Variants in ADAM18 observed in about 807,000 individuals in gnomAD.
ADAM18 encodes disintegrin and metalloproteinase domain-containing protein 18.
ADAM18 carries 117 observed loss-of-function variants against 94.4 expected under a neutral mutation model. That is an observed-to-expected ratio of 1.24 (90% CI 1.07 to 1.45). The LOEUF is 1.45. Among genes scored for constraint, ADAM18 ranks in the 40% most tolerant of loss-of-function variants. ADAM18 has a pLI of 0.00. For missense variants in ADAM18, 936 were observed against 880.0 expected (o/e 1.06, Z -0.81); for synonymous variants, 327 against 291.6 (o/e 1.12, Z -1.24).
intron 6 of ADAM18, among the ~76,000 whole-genome samples, chr8:39,628,207 C>CA (rs1819827183): frequency 1.3e-5 from 2 of 151,394 alleles, no homozygotes; most frequent in African/African-American, 4.8e-5. Flanking sequence ...AGTATGATCA[C>CA]AAAAAACACA....
At chr8:39,685,922 G>A (rs370626542) in intron 16 of ADAM18, among the ~76,000 whole-genome samples, 12 of 152,046 alleles carry the variant, frequency 7.9e-5, no homozygotes, top group South Asian at 2.1e-4. Context: ...AACAAAGATC[G>A]TCTTTCCCTC....
chr8:39,587,319 C>T (rs1421668044), intron 2 of ADAM18, among the ~76,000 whole-genome samples: 1 of 152,212 alleles, frequency 6.6e-6, no homozygotes, highest in African/African-American at 2.4e-5. Flanking sequence ...TACAGCATAT[C>T]TCTAGAACTT....
intron 14 of ADAM18, among the ~76,000 whole-genome samples, chr8:39,671,414 A>G (rs1420426378): frequency 1.3e-5 from 2 of 152,236 alleles, no homozygotes; most frequent in African/African-American, 4.8e-5. Flanking sequence ...ATGCATTTGA[A>G]AGCAAAGCGT....
chr8:39,595,838 C>G (rs779015948), intron 2 of ADAM18, among the ~76,000 whole-genome samples: 1 of 152,110 alleles, frequency 6.6e-6, no homozygotes, highest in Non-Finnish European at 1.5e-5. Context: ...CTAGTTATTG[C>G]TCAAGTCCTT....
At chr8:39,602,318 A>C (rs961281548) in intron 2 of ADAM18, among the ~76,000 whole-genome samples, 1 of 152,170 alleles carries the variant, frequency 6.6e-6, no homozygotes, top group Non-Finnish European at 1.5e-5. Flanking sequence ...CAAGGATTCC[A>C]ATTACTCTAC....
intron 2 of ADAM18, among the ~76,000 whole-genome samples, chr8:39,599,545 A>G (rs1818841670): frequency 6.6e-6 from 1 of 152,114 alleles, no homozygotes; most frequent in South Asian, 2.1e-4. Flanking sequence ...ATGTATCTCA[A>G]TGGGTTTATA....
chr8:39,717,515 T>A (rs1822615261), intron 18 of ADAM18, among the ~76,000 whole-genome samples: 1 of 151,822 alleles, frequency 6.6e-6, no homozygotes, highest in East Asian at 1.9e-4. Flanking sequence ...AAGGTAAATC[T>A]ATTGGTGATG....
At chr8:39,710,133 C>T (rs2129581424) in intron 18 of ADAM18, among the ~76,000 whole-genome samples, 1 of 152,262 alleles carries the variant, frequency 6.6e-6, no homozygotes, top group East Asian at 1.9e-4. Flanking sequence ...CTGGAGATAA[C>T]TTCTGTAAGC....
chr8:39,616,340 G>A (rs1003167556), intron 6 of ADAM18, among the ~76,000 whole-genome samples: 1 of 152,136 alleles, frequency 6.6e-6, no homozygotes, highest in Non-Finnish European at 1.5e-5. Flanking sequence ...AACCCAGGAA[G>A]CTGAGGTTGC....
intron 12 of ADAM18, among the ~76,000 whole-genome samples, chr8:39,651,462 GCCTTCCGCAGTGTATTGTGTCTCT>G (rs1820533817): frequency 6.6e-6 from 1 of 152,206 alleles, no homozygotes; most frequent in African/African-American, 2.4e-5. Flanking sequence ...GGTCCCTGCG[GCCTTCCGCAGTGTATTGTGTCTCT>G]GGGTACTTGA....
chr8:39,620,676 TAAAA>T (rs932306416), intron 6 of ADAM18, among the ~76,000 whole-genome samples: 14 of 148,216 alleles, frequency 9.4e-5, no homozygotes, highest in African/African-American at 3.4e-4. Flanking sequence ...AACTATATAT[TAAAA>T]AAGAAATGAA....
chr8:39,613,289 A>T lies in ADAM18; in HGVS notation c.522+2583A>T, dbSNP rs117526128. Among the ~76,000 whole-genome samples, 28 of 152,304 alleles carry T rather than the reference A, an allele frequency of 1.8e-4. No individual in the cohort carries two copies. In the East Asian group the frequency reaches 5.4e-3, roughly 29 times the overall value. On this transcript the variant is annotated intron_variant, in intron 6 of 19. Coordinates refer to ENST00000265707, the MANE Select transcript of ADAM18 (RefSeq NM_014237.3). ...GGCCTCTCAAGCACAGCAGGTACTT[A>T]ACCTTGATGGGCCAAAGAACAAAGC...
intron 19 of ADAM18, among the ~76,000 whole-genome samples, chr8:39,728,506 TATTA>T (rs1318648585): frequency 6.6e-6 from 1 of 152,144 alleles, no homozygotes; most frequent in African/African-American, 2.4e-5. Flanking sequence ...AATCCTGAGG[TATTA>T]ATTATTATCA....
At chr8:39,617,221 C>T (rs1203093563) in intron 6 of ADAM18, among the ~76,000 whole-genome samples, 2 of 152,122 alleles carry the variant, frequency 1.3e-5, no homozygotes, top group Non-Finnish European at 2.9e-5. Flanking sequence ...AACATACATG[C>T]AGCCAACAAG....
chr8:39,633,241 G>A (rs1819981721), intron 7 of ADAM18, among the ~76,000 whole-genome samples: 2 of 152,144 alleles, frequency 1.3e-5, no homozygotes, highest in South Asian at 4.1e-4. Context: ...ATTGGTATCA[G>A]GAGTGGGTGT....
rs778890295 is a variant in ADAM18, at chr8:39,677,540, C to T, written c.1631+4C>T. ...AACCATTACCTTGTGAACGGAAGTA[C>T]GTATGTAGAAAATGATTGCTTCTTT... On this transcript the variant is annotated splice_donor_region_variant and intron_variant, in intron 15 of 19. Transcript: ENST00000265707. 5.3e-5 allele frequency: 84 copies of T among 1,572,786 alleles called. No homozygotes were observed. Among genetic ancestry groups the T allele is most frequent in the Admixed American group, 5.9e-5 (3 of 50,604 alleles).
chr8:39,701,475 T>C (rs186507520), intron 17 of ADAM18, among the ~76,000 whole-genome samples: 1 of 152,176 alleles, frequency 6.6e-6, no homozygotes, highest in Non-Finnish European at 1.5e-5. Flanking sequence ...AATTATGAAT[T>C]AATTTTTGGC....
intron 12 of ADAM18, among the ~76,000 whole-genome samples, chr8:39,660,585 T>C (rs1820808868): frequency 6.6e-6 from 1 of 152,152 alleles, no homozygotes; most frequent in Admixed American, 6.5e-5. Flanking sequence ...TACCTAAGTA[T>C]ATAAGGTAAA....
At chr8:39,663,709 C>G in intron 12 of ADAM18, 86 bp from the exon 13 acceptor site, 1 of 704,314 alleles carries the variant, frequency 1.4e-6, no homozygotes, top group Non-Finnish European at 2.3e-6. Flanking sequence ...TTGTACACAA[C>G]AGAATATTAA....
Sources: gnomAD v4.1 joint callset for allele counts (sites outside exome capture counted in the v4.1 genomes callset) on GRCh38, gnomAD v4.1.1 for gene constraint, MANE v1.5 for transcripts, NCBI Gene and HGNC (gene_info 2026-07-23, HGNC 2026-07-21) for gene names.